AGBL2: variants seen among roughly 807,000 people sequenced by gnomAD.
AGBL2 encodes the protein cytosolic carboxypeptidase 2.
AGBL2 carries 87 observed loss-of-function variants against 103.0 expected under a neutral mutation model. The observed-to-expected ratio is 0.84, with a 90% CI of 0.71 to 1.01. The LOEUF (loss-of-function observed/expected upper bound fraction) is 1.01, where lower values mean the gene tolerates loss of function less well. AGBL2 is among the 50% of genes least tolerant of loss of function. The pLI is 0.00. For synonymous variants in AGBL2, 335 were observed against 356.7 expected (o/e 0.94, Z 0.69); for missense variants, 904 against 1,023.5 (o/e 0.88, Z 1.59).
intron 8 of AGBL2, among the ~76,000 whole-genome samples, chr11:47,694,097 C>G (rs1345509899): frequency 6.6e-6 from 1 of 152,050 alleles, no homozygotes; most frequent in East Asian, 1.9e-4. Context: ...ACTCGGGATG[C>G]TGAGGCGGCA....
intron 8 of AGBL2, among the ~76,000 whole-genome samples, chr11:47,699,027 T>C (rs1256008792): frequency 6.6e-6 from 1 of 151,304 alleles, no homozygotes; most frequent in Non-Finnish European, 1.5e-5. Flanking sequence ...GTTCTGCATA[T>C]TTCTATAAAA....
At chr11:47,672,613 C>A (rs751586352) in intron 14 of AGBL2, among the ~76,000 whole-genome samples, 6 of 152,120 alleles carry the variant, frequency 3.9e-5, no homozygotes, top group Non-Finnish European at 7.3e-5. Flanking sequence ...CTGCATCCAG[C>A]CGGCATTTTG....
chr11:47,670,436 G>A (rs2097353952), intron 14 of AGBL2, among the ~76,000 whole-genome samples: 1 of 152,026 alleles, frequency 6.6e-6, no homozygotes, highest in South Asian at 2.1e-4. Flanking sequence ...AGTGAGCCGA[G>A]ATTGTGCCAC....
chr11:47,691,871 A>T (rs889939972), intron 9 of AGBL2, among the ~76,000 whole-genome samples: 12 of 149,194 alleles, frequency 8.0e-5, no homozygotes, highest in Non-Finnish European at 1.6e-4. Flanking sequence ...ACATATTTTT[A>T]CTAATACAAA....
In AGBL2 at chr11:47,690,737, T is replaced by C. The variant is rs1370195568; in HGVS notation, c.970A>G (p.Asn324Asp). The change falls in exon 10 of 19, where the codon AAC becomes GAC. Residue 324 changes from asparagine to aspartate, a missense_variant. Physicochemically the swap from Asn to Asp is conservative, Grantham distance 23. Coordinates refer to ENST00000525123, the MANE Select transcript of AGBL2 (RefSeq NM_024783.4). ...TAAAGACTCTTGGGTTTTAGCAAGTTGACAATGGTGAAGCGATAGGTAGCA... is the reference window on the plus strand; with the variant it reads ...TAAAGACTCTTGGGTTTTAGCAAGTCGACAATGGTGAAGCGATAGGTAGCA... The part of the protein sequence containing the change: ...KDATYRFTIV[N>D]LLKPKSLYTV... 3 of 1,614,114 alleles carry C rather than the reference T, an allele frequency of 1.9e-6. No homozygotes were observed. Among genetic ancestry groups the C allele is most frequent in the Non-Finnish European group, 1.7e-6 (2 of 1,180,016 alleles).
intron 8 of AGBL2, among the ~76,000 whole-genome samples, chr11:47,698,925 G>A (rs560858395): frequency 5.3e-4 from 79 of 147,698 alleles, no homozygotes; most frequent in African/African-American, 1.6e-3. Context: ...GAATCTAACA[G>A]GTACCCTTAA....
intron 3 of AGBL2, among the ~76,000 whole-genome samples, chr11:47,711,844 T>G (rs1003948932): frequency 2.6e-5 from 4 of 152,170 alleles, no homozygotes; most frequent in Non-Finnish European, 5.9e-5. Flanking sequence ...CTGAAGTTCT[T>G]GACTTTGTAT....
At position 47,704,726 on chromosome 11, in the gene AGBL2, A is replaced by G; in HGVS notation, c.403T>C (p.Ser135Pro). 2 of 1,613,052 alleles carry G rather than the reference A, an allele frequency of 1.2e-6. No individual in the cohort carries two copies. The highest frequency in any genetic ancestry group is 1.7e-6 in the Non-Finnish European group (2 of 1,179,618). The change falls in exon 7 of 19, where the codon TCA (serine) becomes CCA (proline). Residue 135 changes from serine to proline, a missense_variant and splice_region_variant. Physicochemically the swap from Ser to Pro is moderately conservative, Grantham distance 74. Transcript: ENST00000525123. ...SAFRVAGITD[S>P]HMLSLPHLRS... The stretch of plus-strand genomic sequence containing the variant: ...AGATGTGGTAAACTCAGCATATGTG[A>G]ATCTGCCAAAGGGAAAGAGAGTAAG...
chr11:47,691,729 A>AAAAAAAAAAT, intron 9 of AGBL2, among the ~76,000 whole-genome samples: 5 of 4,856 alleles, frequency 1.0e-3, no homozygotes, highest in African/African-American at 3.6e-3. Flanking sequence ...AAAAAAAAAA[A>AAAAAAAAAAT]ATATATATAT....
At chr11:47,710,624 T>C in intron 3 of AGBL2, 113 bp from the exon 4 acceptor site, 2 of 1,240,858 alleles carry the variant, frequency 1.6e-6, no homozygotes, top group Non-Finnish European at 1.2e-6. Flanking sequence ...CACAGCCCTT[T>C]GCAATGAATA....
At chr11:47,666,192 G>A (rs566606444) in intron 17 of AGBL2, among the ~76,000 whole-genome samples, 154 of 151,702 alleles carry the variant, frequency 1.0e-3, no homozygotes, top group African/African-American at 3.6e-3. Context: ...TTAGCAGTTT[G>A]AGACCAGCCT....
In AGBL2 at chr11:47,677,307, C is replaced by T; in HGVS notation, c.2111G>A (p.Ser704Asn). The stretch of plus-strand genomic sequence containing the variant: ...GTCAGACAAAGAGATGTCACTCCAA[C>T]TTCCTTCTAAATCTACATCTTGTCC... ...ELGQDVDLEG[S>N]WSDISLSDIE... Residue 704 changes from serine to asparagine, a missense_variant, in exon 14 of 19, where the codon AGT (serine) becomes AAT (asparagine). By Grantham distance (46) the Ser-to-Asn change is conservative. Transcript: ENST00000525123. 1 of 1,608,082 alleles carries T rather than the reference C, an allele frequency of 6.2e-7. No individual in the cohort carries two copies. The highest frequency in any genetic ancestry group is 8.5e-7 in the Non-Finnish European group (1 of 1,177,952).
chr11:47,684,173 T>A (rs1384823057), intron 11 of AGBL2, among the ~76,000 whole-genome samples: 1 of 152,046 alleles, frequency 6.6e-6, no homozygotes, highest in Non-Finnish European at 1.5e-5. Flanking sequence ...CTCGGGAGGC[T>A]GAGGCAGGAG....
intron 18 of AGBL2, 94 bp from the exon 19 acceptor site, chr11:47,660,440 T>A: frequency 8.7e-7 from 1 of 1,145,272 alleles, no homozygotes; most frequent in Non-Finnish European, 1.2e-6. Context: ...AAGGAGCTGG[T>A]GAGAAATATT....
chr11:47,662,499 T>C (rs537058919), intron 18 of AGBL2, among the ~76,000 whole-genome samples: 1 of 150,118 alleles, frequency 6.7e-6, no homozygotes, highest in East Asian at 2.0e-4. Context: ...CGTTCACTTT[T>C]TTTTTTTTTT....
chr11:47,691,729 A>AT (rs1554960981), intron 9 of AGBL2, among the ~76,000 whole-genome samples: 2 of 4,856 alleles, frequency 4.1e-4, no homozygotes, highest in African/African-American at 1.4e-3. Flanking sequence ...AAAAAAAAAA[A>AT]ATATATATAT....
chr11:47,683,847 CTGAGGTGG>C, intron 11 of AGBL2, among the ~76,000 whole-genome samples: 2 of 150,650 alleles, frequency 1.3e-5, no homozygotes, highest in Non-Finnish European at 3.0e-5. Flanking sequence ...CTTTGGGAGG[CTGAGGTGG>C]TGAGGCGGGA....
chr11:47,699,456 T>C lies in AGBL2; in HGVS notation c.684A>G (p.Gln228=), dbSNP rs144429450. The C allele has an allele frequency of 2.4e-3, 3,773 of 1,550,508 alleles. 78 individuals are homozygous for C. In the Admixed American group the frequency reaches 0.037, roughly 15 times the overall value. ...VGEKKGTVVY[Q]LDSVPIEGSY... ...GTGTAATGACAATACCTGAATCTAA[T>C]TGATAGACAACTGTTCCTTTTTTCT... is the stretch of plus-strand genomic sequence containing the variant. Residue 228 remains glutamine (Q), a synonymous_variant, in exon 8 of 19, where the codon CAA becomes CAG. Coordinates refer to ENST00000525123, the MANE Select transcript of AGBL2 (RefSeq NM_024783.4).
At chr11:47,675,786 C>T (rs996049043) in intron 14 of AGBL2, among the ~76,000 whole-genome samples, 2 of 151,872 alleles carry the variant, frequency 1.3e-5, no homozygotes, top group African/African-American at 4.8e-5. Flanking sequence ...CGGGCAGATC[C>T]GTTGAGCTCA....
Sources: allele counts gnomAD v4.1 joint callset (sites outside exome capture counted in the v4.1 genomes callset), GRCh38; gene constraint gnomAD v4.1.1; transcripts MANE v1.5; gene names NCBI Gene and HGNC (gene_info 2026-07-23, HGNC 2026-07-21).